PRDM12: variants seen among roughly 807,000 people sequenced by gnomAD.
The protein encoded by PRDM12 is PR domain zinc finger protein 12.
PRDM12 carries 17 observed loss-of-function variants against 29.6 expected under a neutral mutation model. The observed-to-expected ratio is 0.57, with a 90% CI of 0.39 to 0.86. PRDM12 has a LOEUF of 0.86. Among genes scored for constraint, PRDM12 ranks in the 40% least tolerant of loss-of-function variants. The pLI is 0.00. For synonymous variants in PRDM12, 231 were observed against 225.8 expected (o/e 1.02, Z -0.21); for missense variants, 422 against 510.8 (o/e 0.83, Z 1.68).
intron 3 of PRDM12, among the ~76,000 whole-genome samples, chr9:130,674,768 C>T (rs1202968575): frequency 1.3e-5 from 2 of 152,172 alleles, no homozygotes; most frequent in Non-Finnish European, 2.9e-5. Flanking sequence ...CATATGTCTG[C>T]ATCGCTGTTT....
At position 130,666,760 on chromosome 9, in the gene PRDM12, C is replaced by T; in HGVS notation, c.376C>T (p.His126Tyr). ...CACCGGCCGCGTGATCGCCCCGGAGCACGTGGACATCTGCAAGAACAACAA... is the reference window on the plus strand; with the variant it reads ...CACCGGCCGCGTGATCGCCCCGGAGTACGTGGACATCTGCAAGAACAACAA... ...PFTGRVIAPE[H>Y]VDICKNNNLM... Residue 126 changes from histidine to tyrosine, a missense_variant, in exon 2 of 5, where the codon CAC (histidine) becomes TAC (tyrosine). Around this residue, in one of 5 missense-constraint regions of PRDM12, gnomAD observed 300 missense variants for 350.0 expected, o/e 0.86. Coordinates refer to ENST00000253008, the MANE Select transcript of PRDM12 (RefSeq NM_021619.3). 2 of 1,612,162 alleles carry T rather than the reference C, an allele frequency of 1.2e-6. No homozygotes were observed. The highest frequency in any genetic ancestry group is 1.7e-6 in the Non-Finnish European group (2 of 1,179,402).
chr9:130,679,179 T>C (rs1370002875), intron 4 of PRDM12, among the ~76,000 whole-genome samples: 5 of 152,190 alleles, frequency 3.3e-5, no homozygotes, highest in Non-Finnish European at 5.9e-5. Context: ...TGTGCCTGTG[T>C]GTGTGTCAGG....
chr9:130,677,020 G>A (rs979527652), intron 3 of PRDM12, among the ~76,000 whole-genome samples: 4 of 152,188 alleles, frequency 2.6e-5, no homozygotes, highest in Non-Finnish European at 5.9e-5. Context: ...TCTGCCTCCT[G>A]GGTTCAAGCA....
At chr9:130,678,505 C>A in intron 3 of PRDM12, 24 bp from the exon 4 acceptor site, 1 of 1,571,000 alleles carries the variant, frequency 6.4e-7, no homozygotes, top group South Asian at 1.1e-5. Context: ...CCTCCCTGAC[C>A]TCCTCTTGCC....
At position 130,681,850 on chromosome 9, in the gene PRDM12, G is replaced by A; in HGVS notation, c.*181G>A. On this transcript the variant is annotated 3_prime_UTR_variant, in exon 5 of 5. Transcript: ENST00000253008. The surrounding 1 kb of genome is among the most constrained non-coding windows in gnomAD (Gnocchi z 8.1). ...CCGCCTTGGCCCGTGTCGCAGATGAGGACACTGAGGGCGGCGTCCCTCACC... is the reference window on the plus strand; with the variant it reads ...CCGCCTTGGCCCGTGTCGCAGATGAAGACACTGAGGGCGGCGTCCCTCACC... 1 of 471,704 alleles carries A rather than the reference G, an allele frequency of 2.1e-6. No individual in the cohort carries two copies. The highest frequency in any genetic ancestry group is 2.8e-6 in the Non-Finnish European group (1 of 360,488). 29.2% of individuals were successfully genotyped at this position (471,704 alleles called of 1,614,324 possible). A position where few individuals can be genotyped will look rare whatever the true frequency, so the allele number is the denominator to read the frequency against.
chr9:130,680,638 T>A (rs866648912), intron 4 of PRDM12, among the ~76,000 whole-genome samples: 13,162 of 84,100 alleles, frequency 0.16, 1,090 homozygotes, highest in Non-Finnish European at 0.2. Context: ...AAAAAAAATA[T>A]ATATATATAT....
intron 3 of PRDM12, 80 bp from the exon 4 acceptor site, chr9:130,678,449 G>A (rs1455459801): frequency 1.3e-5 from 13 of 1,010,082 alleles, no homozygotes; most frequent in East Asian, 2.5e-5. Flanking sequence ...TCTCCTGGCT[G>A]TGGAGGGGTG....
chr9:130,676,256 C>T (rs941580421), intron 3 of PRDM12, among the ~76,000 whole-genome samples: 17 of 151,996 alleles, frequency 1.1e-4, no homozygotes, highest in Admixed American at 2.0e-4. Context: ...TTTGGGAGAC[C>T]GAGGCGGGCG....
chr9:130,665,515 T>C (rs1363071897), intron 1 of PRDM12, among the ~76,000 whole-genome samples: 1 of 152,154 alleles, frequency 6.6e-6, no homozygotes, highest in East Asian at 1.9e-4. Flanking sequence ...CCTCTCTTAA[T>C]TTACCGTGAA....
chr9:130,678,122 C>T (rs1830860065), intron 3 of PRDM12, among the ~76,000 whole-genome samples: 1 of 152,086 alleles, frequency 6.6e-6, no homozygotes, highest in African/African-American at 2.4e-5. Context: ...GGGTGCCCCA[C>T]AGCCCACCCT....
Position 130,678,637 on chromosome 9 carries a change from C to G in PRDM12, c.679C>G (p.His227Asp), listed in dbSNP as rs1830865061. The stretch of plus-strand genomic sequence containing the variant: ...AGAGGAGGACCAGAAAAAGAACAAG[C>G]ATGGTAGGTGTTCCCCATGGGGCCG... ...GLEEDQKKNK[H>D]EDFHPADSAA... Residue 227 changes from histidine to aspartate, a missense_variant, in exon 4 of 5, where the codon CAT becomes GAT. Coordinates refer to ENST00000253008, the MANE Select transcript of PRDM12 (RefSeq NM_021619.3). The G allele has an allele frequency of 3.7e-6, 6 of 1,603,798 alleles. No homozygotes were observed. Among genetic ancestry groups the G allele is most frequent in the Non-Finnish European group, 5.1e-6 (6 of 1,171,232 alleles).
At chr9:130,678,361 C>T (rs138401706) in intron 3 of PRDM12, among the ~76,000 whole-genome samples, 168 bp from the exon 4 acceptor site, 34 of 151,906 alleles carry the variant, frequency 2.2e-4, no homozygotes, top group African/African-American at 7.5e-4. Flanking sequence ...CAGGGACTTC[C>T]GTGTTTGTGC....
chr9:130,678,469 C>T (rs1830863241), intron 3 of PRDM12, 60 bp from the exon 4 acceptor site: 4 of 1,285,124 alleles, frequency 3.1e-6, no homozygotes, highest in Admixed American at 1.8e-5. Flanking sequence ...GCTCAGAGAC[C>T]CCCAACTCTC....
chr9:130,676,052 C>T (rs4448327), intron 3 of PRDM12, among the ~76,000 whole-genome samples: 92,973 of 151,996 alleles, frequency 0.61, 29,082 homozygotes, highest in East Asian at 0.99. Flanking sequence ...GGCTCATCTG[C>T]ACCATCTCAT....
rs1325029864 is a variant in PRDM12 at position 130,666,717 on chromosome 9, A to G, written c.333A>G (p.Gly111=). ...TCTCCAAGACGTGGATCAAGGCGGG[A>G]ACCGAGATGGGCCCCTTCACCGGCC... The part of the protein sequence containing the change: ...GIFSKTWIKA[G]TEMGPFTGRV... The change falls in exon 2 of 5, where the codon GGA becomes GGG. Residue 111 remains glycine, a synonymous_variant. Coordinates refer to ENST00000253008, the MANE Select transcript of PRDM12 (RefSeq NM_021619.3). The G allele has an allele frequency of 1.2e-6, 2 of 1,613,228 alleles. No homozygotes were observed. Among genetic ancestry groups the G allele is most frequent in the African/African-American group, 2.7e-5 (2 of 74,882 alleles).
In PRDM12 at chr9:130,666,665, C is replaced by A; in HGVS notation, c.281C>A (p.Ser94Tyr). The change falls in exon 2 of 5, where the codon TCC (serine) becomes TAC (tyrosine). Residue 94 changes from serine (S) to tyrosine (Y), a missense_variant. By Grantham distance (144) the Ser-to-Tyr change is moderately radical. Coordinates refer to ENST00000253008, the MANE Select transcript of PRDM12 (RefSeq NM_021619.3). ...LPAEVIIAQS[S>Y]IPGEGLGIFS... ...GCGGAGGTGATCATCGCTCAGAGCT[C>A]CATCCCTGGCGAGGGCCTCGGCATC... 6.2e-7 allele frequency: 1 copy of A among 1,613,256 alleles called. No individual in the cohort carries two copies.
intron 3 of PRDM12, among the ~76,000 whole-genome samples, chr9:130,674,681 C>T (rs1180342669): frequency 6.6e-6 from 1 of 152,030 alleles, no homozygotes; most frequent in Admixed American, 6.6e-5. Context: ...AGCAAACCAG[C>T]GACAGTGGCT....
At chr9:130,678,768 C>T in intron 4 of PRDM12, 128 bp downstream of exon 4, 1 of 721,246 alleles carries the variant, frequency 1.4e-6, no homozygotes, top group Non-Finnish European at 2.3e-6. Context: ...TGTCTGGCAG[C>T]ATTGAGCAGA....
intron 3 of PRDM12, among the ~76,000 whole-genome samples, chr9:130,669,275 C>T (rs1217075962): frequency 6.6e-6 from 1 of 151,662 alleles, no homozygotes; most frequent in Non-Finnish European, 1.5e-5. Flanking sequence ...TGCAGTGAGC[C>T]GAGATCACGC....
Sources: gnomAD v4.1 joint callset for allele counts (sites outside exome capture counted in the v4.1 genomes callset) on GRCh38, gnomAD v4.1.1 for gene constraint, gnomAD v4.1.1 regional missense constraint, Gnocchi (gnomAD v3.1) non-coding constraint, MANE v1.5 for transcripts, NCBI Gene and HGNC (gene_info 2026-07-23, HGNC 2026-07-21) for gene names.